The following POLR3B variants were observed in gnomAD, a reference collection of about 807,000 sequenced individuals.
POLR3B encodes the protein DNA-directed RNA polymerase III subunit RPC2.
Under a neutral mutation model 147.4 loss-of-function variants are expected in POLR3B, and 96 were observed. The observed-to-expected ratio is 0.65, with a 90% confidence interval of 0.55 to 0.77. The LOEUF (loss-of-function observed/expected upper bound fraction) is 0.77. Ranked by LOEUF, POLR3B falls within the 30% of genes least tolerant of loss-of-function variation. POLR3B has a pLI of 0.00. For synonymous variants in POLR3B, 461 were observed against 485.9 expected, an observed-to-expected ratio of 0.95 and a Z score of 0.67; for missense variants, 1,036 against 1,413.5, an observed-to-expected ratio of 0.73 and a Z score of 4.28.
chr12:106,446,428 A>C (rs954796109), intron 19 of POLR3B: 1 of 344,978 alleles, frequency 2.9e-6, no homozygotes, highest in Admixed American at 4.1e-5. Context: ...AAAAAAAAAA[A>C]AAAAAAAGAA....
intron 1 of POLR3B, among the ~76,000 whole-genome samples, chr12:106,358,896 G>T (rs961089474): frequency 2.0e-5 from 3 of 152,206 alleles, no homozygotes; most frequent in South Asian, 2.1e-4. Context: ...GTTTAAGCAG[G>T]AAAGTGACAT....
intron 12 of POLR3B, among the ~76,000 whole-genome samples, chr12:106,417,395 G>T (rs2037318886): frequency 6.6e-6 from 1 of 152,124 alleles, no homozygotes; most frequent in African/African-American, 2.4e-5. Context: ...GGAGCCCTGT[G>T]TGCCATGGGA....
chr12:106,376,584 A>T lies in POLR3B; in HGVS notation c.496+134A>T. ...ATGAACTTGTTCACAAAACACCCAG[A>T]AATTTGTCTCTAGCTTTATGCTACT... On this transcript the variant is annotated intron_variant, in intron 7 of 27. Transcript: ENST00000228347. The T allele has an allele frequency of 7.0e-6, 5 of 717,226 alleles. 1 individual carries two copies. The South Asian group carries it at 7.4e-5, about 11-fold the overall frequency. 44.4% of individuals were successfully genotyped at this position (717,226 alleles called of 1,614,324 possible).
intron 10 of POLR3B, among the ~76,000 whole-genome samples, chr12:106,393,818 A>G (rs2036947797): frequency 6.6e-6 from 1 of 151,894 alleles, no homozygotes; most frequent in South Asian, 2.1e-4. Context: ...CATAGTAAAA[A>G]TAATTGCACT....
At chr12:106,446,160 G>A (rs1374566620) in intron 19 of POLR3B, 1 of 448,686 alleles carries the variant, frequency 2.2e-6, no homozygotes, top group African/African-American at 2.0e-5. Context: ...GTCATGAAAG[G>A]GCTATCACTT....
At chr12:106,412,522 C>T (rs981972411) in intron 12 of POLR3B, among the ~76,000 whole-genome samples, 5 of 152,172 alleles carry the variant, frequency 3.3e-5, no homozygotes, top group Admixed American at 1.3e-4. Context: ...AAACAGGAAA[C>T]TCACTCAGAA....
intron 18 of POLR3B, among the ~76,000 whole-genome samples, chr12:106,440,564 G>T (rs1565897369): frequency 6.6e-6 from 1 of 152,116 alleles, no homozygotes; most frequent in Non-Finnish European, 1.5e-5. Context: ...TAGCACCTTT[G>T]CACTGGCTGC....
At chr12:106,461,927 T>C (rs2137035136) in intron 22 of POLR3B, among the ~76,000 whole-genome samples, 1 of 152,294 alleles carries the variant, frequency 6.6e-6, no homozygotes, top group Non-Finnish European at 1.5e-5. Flanking sequence ...CATATAGACA[T>C]CTGCCCAGTG....
intron 2 of POLR3B, among the ~76,000 whole-genome samples, chr12:106,365,327 A>T (rs1185138949): frequency 1.3e-5 from 2 of 152,094 alleles, no homozygotes; most frequent in Non-Finnish European, 2.9e-5. Flanking sequence ...GAAGCTATTG[A>T]GGAGTTTCTA....
chr12:106,443,773 G>A (rs552288418), intron 18 of POLR3B, among the ~76,000 whole-genome samples: 1 of 151,960 alleles, frequency 6.6e-6, no homozygotes, highest in African/African-American at 2.4e-5. Flanking sequence ...CACCTGCCTC[G>A]GCCTCCCAAA....
rs1171017454 is a variant in POLR3B, at chr12:106,504,957, A to G, written c.3272+703A>G. Among the ~76,000 whole-genome samples the G allele has an allele frequency of 6.6e-6, 1 of 152,206 alleles. No individual in the cohort carries two copies. Among genetic ancestry groups the G allele is most frequent in the Non-Finnish European group, 1.5e-5 (1 of 68,042 alleles). On this transcript the variant is annotated intron_variant, in intron 27 of 27. Coordinates refer to ENST00000228347, the MANE Select transcript of POLR3B (RefSeq NM_018082.6). This position sits in a 1 kb window ranked among gnomAD's most constrained non-coding sequence, Gnocchi z 4.6. ...TAGTTCATTCTGATTGCATCCTGTC[A>G]TGTTTACCCTCATTTCTCCAGCCTG...
In POLR3B at chr12:106,380,068, G is replaced by T. The variant is rs371141763; in HGVS notation, c.652G>T (p.Val218Leu). The part of the protein sequence containing the change: ...HEKKSRTNMA[V>L]KQGRFYLRHN... ...GAAAAAAAGCAGAACCAATATGGCT[G>T]TGAAACAAGGACGATTTTATTTGAG... The change falls in exon 9 of 28, where the codon GTG becomes TTG. Residue 218 changes from valine to leucine, a missense_variant. Val to Leu is a conservative substitution (Grantham distance 32). Around this residue, in one of 12 missense-constraint regions of POLR3B, gnomAD observed 217 missense variants for 288.7 expected, o/e 0.75. Transcript: ENST00000228347. The T allele has an allele frequency of 9.9e-6, 16 of 1,613,114 alleles. No homozygotes were observed. Among genetic ancestry groups the T allele is most frequent in the Non-Finnish European group, 1.0e-5 (12 of 1,179,442 alleles).
intron 23 of POLR3B, among the ~76,000 whole-genome samples, chr12:106,476,501 C>T (rs1396901104): frequency 2.1e-5 from 2 of 95,230 alleles, no homozygotes; most frequent in Non-Finnish European, 2.0e-5. Context: ...CTTTCAGGTA[C>T]ACCAATCAGA....
In POLR3B at chr12:106,484,259, G is replaced by A. The variant is rs190600681; in HGVS notation, c.2714-11796G>A. Among the ~76,000 whole-genome samples, 22 of 152,272 alleles carry A rather than the reference G, an allele frequency of 1.4e-4. 1 individual carries two copies. In the Middle Eastern group the frequency reaches 0.01, roughly 71 times the overall value. On this transcript the variant is annotated intron_variant, in intron 23 of 27. Transcript: ENST00000228347. ...GGACTGTGGTTTTAATCCGGTAAAC[G>A]ATGGCACCAATCACAAAGCATTTGT...
chr12:106,489,179 G>A (rs1376175644), intron 23 of POLR3B, among the ~76,000 whole-genome samples: 1 of 152,150 alleles, frequency 6.6e-6, no homozygotes, highest in Admixed American at 6.5e-5. Context: ...GTTTGTCCTG[G>A]CAAATAGAAG....
chr12:106,469,337 G>A (rs1231420023), intron 23 of POLR3B, among the ~76,000 whole-genome samples: 2 of 140,538 alleles, frequency 1.4e-5, no homozygotes, highest in Non-Finnish European at 3.0e-5. Flanking sequence ...TTGAGCCTAT[G>A]TGTGTCTCTG....
At chr12:106,371,674 T>C (rs7315067) in intron 6 of POLR3B, among the ~76,000 whole-genome samples, 8,712 of 116,108 alleles carry the variant, frequency 0.075, 649 homozygotes, top group East Asian at 0.38. Context: ...TCATTCTCAG[T>C]AAACTATCGC....
At chr12:106,395,825 C>A (rs180807433) in intron 10 of POLR3B, among the ~76,000 whole-genome samples, 1 of 152,152 alleles carries the variant, frequency 6.6e-6, no homozygotes, top group Non-Finnish European at 1.5e-5. Context: ...CAAAAATTAG[C>A]CGGGCGTGGT....
intron 23 of POLR3B, among the ~76,000 whole-genome samples, chr12:106,494,027 T>A (rs542478830): frequency 1.6e-4 from 25 of 152,286 alleles, no homozygotes; most frequent in African/African-American, 6.0e-4. Context: ...GTATTTTTTT[T>A]AACTAAATGT....
Sources: allele counts gnomAD v4.1 joint callset (sites outside exome capture counted in the v4.1 genomes callset), GRCh38; gene constraint gnomAD v4.1.1; regional missense constraint gnomAD v4.1.1; non-coding constraint Gnocchi (gnomAD v3.1); transcripts MANE v1.5; gene names NCBI Gene and HGNC (gene_info 2026-07-23, HGNC 2026-07-21).